CAMTA1: variants seen among roughly 807,000 people sequenced by gnomAD.
CAMTA1 encodes the protein calmodulin binding transcription activator 1, also known as calmodulin-binding transcription activator 1.
Under a neutral mutation model 170.9 loss-of-function variants are expected in CAMTA1, and 27 were observed. The ratio of observed to expected loss-of-function variants is 0.16; its 90% CI spans 0.12 to 0.22. The LOEUF is 0.22. Ranked by LOEUF, CAMTA1 falls within the 10% of genes least tolerant of loss-of-function variation. The pLI is 1.00. For synonymous variants in CAMTA1, 833 were observed against 891.5 expected (o/e 0.93, Z 1.17); for missense variants, 1,619 against 2,217.2 (o/e 0.73, Z 5.42).
chr1:7,343,217 A>G (rs920076150), intron 5 of CAMTA1, among the ~76,000 whole-genome samples: 1 of 152,222 alleles, frequency 6.6e-6, no homozygotes, highest in Non-Finnish European at 1.5e-5. Context: ...AATAAAACAC[A>G]GGGCTCAGCG....
chr1:6,993,625 T>C (rs905159524), intron 3 of CAMTA1, among the ~76,000 whole-genome samples: 3 of 152,240 alleles, frequency 2.0e-5, no homozygotes, highest in Admixed American at 2.0e-4. Context: ...GAAATGTCTC[T>C]ACTTCTGGTA....
Position 7,736,593 on chromosome 1 carries a change from A to C in CAMTA1, c.3263+53A>C. The C allele has an allele frequency of 1.3e-6, 2 of 1,548,898 alleles. No individual in the cohort carries two copies. The highest frequency in any genetic ancestry group is 1.8e-6 in the Non-Finnish European group (2 of 1,122,964). On this transcript the variant is annotated intron_variant, in intron 13 of 22. Transcript: ENST00000303635. This position sits in a 1 kb window ranked among gnomAD's most constrained non-coding sequence, Gnocchi z 4.5. ...GTCAGCCTCGCACATCCTCGCTCAC[A>C]TTCTTCCTGAGCACTGCCACCCGTG...
chr1:7,022,076 C>G (rs1234684126), intron 3 of CAMTA1, among the ~76,000 whole-genome samples: 2 of 152,200 alleles, frequency 1.3e-5, no homozygotes, highest in Non-Finnish European at 2.9e-5. Context: ...GCGTGACTCC[C>G]CTCCAGTACT....
intron 5 of CAMTA1, among the ~76,000 whole-genome samples, chr1:7,457,548 G>C (rs1002737011): frequency 1.3e-5 from 2 of 152,100 alleles, no homozygotes; most frequent in African/African-American, 4.8e-5. Flanking sequence ...CCCGGGCCAG[G>C]CTGCACACCT....
chr1:7,070,557 C>T (rs1245494469), intron 3 of CAMTA1, among the ~76,000 whole-genome samples: 1 of 152,226 alleles, frequency 6.6e-6, no homozygotes, highest in South Asian at 2.1e-4. Context: ...ACGACCTTCT[C>T]TCTCATCACG....
chr1:6,885,772 A>G (rs1485615302), intron 3 of CAMTA1, among the ~76,000 whole-genome samples: 1 of 152,038 alleles, frequency 6.6e-6, no homozygotes, highest in East Asian at 1.9e-4. Context: ...AACATGCCCC[A>G]CCCAGCTGCA....
At chr1:7,359,715 G>A (rs1049061677) in intron 5 of CAMTA1, among the ~76,000 whole-genome samples, 1 of 152,186 alleles carries the variant, frequency 6.6e-6, no homozygotes, top group Admixed American at 6.5e-5. Context: ...GAGCTGGCAT[G>A]AGGGCTCCAG....
At chr1:6,822,926 A>G (rs623974) in intron 2 of CAMTA1, among the ~76,000 whole-genome samples, 14,289 of 152,164 alleles carry the variant, frequency 0.094, 890 homozygotes, top group Non-Finnish European at 0.13. Flanking sequence ...GATCACAAAC[A>G]TAGAAGCTGG....
chr1:6,874,093 G>A (rs1669152976), intron 3 of CAMTA1: 1 of 152,226 alleles, frequency 6.6e-6, no homozygotes, highest in Admixed American at 6.5e-5. Context: ...TAGATACTGT[G>A]TGTCTCCCAC....
intron 6 of CAMTA1, among the ~76,000 whole-genome samples, chr1:7,624,821 G>T (rs1210434943): frequency 6.6e-6 from 1 of 152,246 alleles, no homozygotes; most frequent in Admixed American, 6.5e-5. Context: ...GAGGCTGGCT[G>T]ATGCTGCAGG....
intron 5 of CAMTA1, among the ~76,000 whole-genome samples, chr1:7,288,039 A>T (rs577807335): frequency 1.3e-5 from 2 of 152,248 alleles, no homozygotes; most frequent in African/African-American, 4.8e-5. Flanking sequence ...GCATGTGTGT[A>T]TTATCTCACT....
At chr1:7,030,089 G>A (rs72640010) in intron 3 of CAMTA1, among the ~76,000 whole-genome samples, 8,151 of 152,274 alleles carry the variant, frequency 0.054, 299 homozygotes, top group East Asian at 0.18. Context: ...TCAGAGAATT[G>A]TGAATATTTC....
chr1:7,275,550 A>G (rs190626303), intron 5 of CAMTA1, among the ~76,000 whole-genome samples: 4 of 152,286 alleles, frequency 2.6e-5, no homozygotes, highest in Middle Eastern at 3.4e-3. Context: ...TATACAAATT[A>G]TTAATATGAG....
chr1:7,083,487 G>A (rs1456972701), intron 3 of CAMTA1, among the ~76,000 whole-genome samples: 2 of 152,210 alleles, frequency 1.3e-5, no homozygotes, highest in African/African-American at 4.8e-5. Context: ...TGGCCAGCTG[G>A]GTGCTTGGGA....
chr1:7,365,409 A>G (rs982423977), intron 5 of CAMTA1, among the ~76,000 whole-genome samples: 5 of 152,208 alleles, frequency 3.3e-5, no homozygotes, highest in Non-Finnish European at 7.3e-5. Flanking sequence ...CTGGAAAGGA[A>G]TTCCTCTCTC....
At chr1:7,404,203 T>C (rs2090125083) in intron 5 of CAMTA1, among the ~76,000 whole-genome samples, 1 of 152,212 alleles carries the variant, frequency 6.6e-6, no homozygotes, top group Admixed American at 6.5e-5. Context: ...CCATGGCCCA[T>C]TGGCCAACGA....
At chr1:7,283,702 A>G (rs1318218906) in intron 5 of CAMTA1, among the ~76,000 whole-genome samples, 1 of 152,158 alleles carries the variant, frequency 6.6e-6, no homozygotes, top group African/African-American at 2.4e-5. Context: ...TTAGCCCTCT[A>G]TCACCCCCTT....
intron 5 of CAMTA1, among the ~76,000 whole-genome samples, chr1:7,388,740 G>A (rs78957661): frequency 0.016 from 2,398 of 152,310 alleles, 74 homozygotes; most frequent in African/African-American, 0.055. Context: ...TCCTGGGAGC[G>A]TTCCTGCCCA....
rs1382451820 is a variant in CAMTA1, at chr1:7,565,241, G to C, written c.511-75159G>C. Among the ~76,000 whole-genome samples, 1 of 152,178 alleles carries C rather than the reference G, an allele frequency of 6.6e-6. No individual in the cohort carries two copies. The highest frequency in any genetic ancestry group is 2.4e-5 in the African/African-American group (1 of 41,450). ...TCCTCATTCCCCGGAGAAGCACCCA[G>C]AGAGATGTAGCTGCCATAAAGGGCT... On this transcript the variant is annotated intron_variant, in intron 6 of 22. Coordinates refer to ENST00000303635, the MANE Select transcript of CAMTA1 (RefSeq NM_015215.4). The surrounding 1 kb of genome is among the most constrained non-coding windows in gnomAD (Gnocchi z 4.5).
Sources: allele counts gnomAD v4.1 joint callset (sites outside exome capture counted in the v4.1 genomes callset), GRCh38; gene constraint gnomAD v4.1.1; non-coding constraint Gnocchi (gnomAD v3.1); transcripts MANE v1.5; gene names NCBI Gene and HGNC (gene_info 2026-07-23, HGNC 2026-07-21).